Variants in NCOR2 observed in about 807,000 individuals in gnomAD.
The protein encoded by NCOR2 is CTG repeat protein 26.
A neutral mutation model predicts 262.9 loss-of-function variants in NCOR2; 81 were observed. That is an observed-to-expected ratio of 0.31 (90% confidence interval 0.26 to 0.37). The LOEUF is 0.37. Ranked by LOEUF, NCOR2 falls within the 10% of genes least tolerant of loss-of-function variation. NCOR2 has a pLI of 1.00. For missense variants in NCOR2, 3,385 were observed against 3,621.4 expected, an observed-to-expected ratio of 0.93 and a Z score of 1.68; for synonymous variants, 1,659 against 1,559.3, an observed-to-expected ratio of 1.06 and a Z score of -1.51.
rs1374116455 is a variant in NCOR2, at chr12:124,517,308, C to T, written c.-118+18257G>A. ...TCCCCAGGAGCCATTCCCGCCACCT[C>T]CCTATGGCCGCGGCGCACCCAGACC... On this transcript the variant is annotated intron_variant, in intron 1 of 46. Coordinates refer to the NCOR2 transcript ENST00000404621. The surrounding 1 kb of genome is among the most constrained non-coding windows in gnomAD (Gnocchi z 7.6). 6.6e-6 allele frequency among the ~76,000 whole-genome samples: 1 copy of T among 152,200 alleles called. No individual in the cohort carries two copies. The highest frequency in any genetic ancestry group is 1.5e-5 in the Non-Finnish European group (1 of 68,032).
Position 124,481,578 on chromosome 12 carries a change from G to C in NCOR2, c.411+2018C>G, listed in dbSNP as rs1283557239. On this transcript the variant is annotated intron_variant, in intron 3 of 46. Transcript: ENST00000405201. This position sits in a 1 kb window ranked among gnomAD's most constrained non-coding sequence, Gnocchi z 4.6. ...CTGCGGAGGGCACAGCCGGTGCAAA[G>C]GTCCCCAGGTGGGAATGTGCCTGGC... Among the ~76,000 whole-genome samples the C allele has an allele frequency of 6.6e-6, 1 of 152,174 alleles. No individual in the cohort carries two copies. Among genetic ancestry groups the C allele is most frequent in the African/African-American group, 2.4e-5 (1 of 41,440 alleles).
At chr12:124,395,760 G>A (rs1247449188) in intron 16 of NCOR2, among the ~76,000 whole-genome samples, 2 of 152,198 alleles carry the variant, frequency 1.3e-5, no homozygotes, top group African/African-American at 4.8e-5. Context: ...AAGGGATGGA[G>A]AGGCGGTGGG....
In NCOR2 at chr12:124,462,534, C is replaced by T. The variant is rs937077829; in HGVS notation, c.705+3639G>A. Among the ~76,000 whole-genome samples, 98 of 152,256 alleles carry T rather than the reference C, an allele frequency of 6.4e-4. 1 individual carries two copies. Among genetic ancestry groups the T allele is most frequent in the Admixed American group, 2.6e-4 (4 of 15,286 alleles). ...GCGGCAGGTCAGAGGACGCGTGCAGCAGCCTCGCGGGGCTGAAACGGACAA... is the reference window on the plus strand; with the variant it reads ...GCGGCAGGTCAGAGGACGCGTGCAGTAGCCTCGCGGGGCTGAAACGGACAA... On this transcript the variant is annotated intron_variant, in intron 5 of 46. Transcript: ENST00000405201.
intron 1 of NCOR2, among the ~76,000 whole-genome samples, chr12:124,550,583 G>C (rs991181383): frequency 7.9e-5 from 12 of 152,158 alleles, no homozygotes; most frequent in Non-Finnish European, 1.5e-4. Flanking sequence ...TCTCTCTCTG[G>C]GGGGTAGGAA....
chr12:124,427,504 G>A (rs951866379), intron 10 of NCOR2, among the ~76,000 whole-genome samples: 5 of 152,208 alleles, frequency 3.3e-5, no homozygotes, highest in Admixed American at 1.3e-4. Flanking sequence ...GGAGGTAGGC[G>A]AGGACTCCGC....
rs548013221 is a variant in NCOR2, at chr12:124,388,795, G to T, written c.1877-2908C>A. On this transcript the variant is annotated intron_variant, in intron 16 of 46. Coordinates refer to ENST00000405201, the Ensembl canonical transcript of NCOR2. ...CCGGCAGGCTGGGCGGCCGCGGTCG[G>T]CTCTGCGAGGCTGCTGGTTGGCGTC... The T allele has an allele frequency of 1.4e-5, 18 of 1,301,514 alleles. No homozygotes were observed. The South Asian group carries it at 2.1e-4, about 15-fold the overall frequency. 80.6% of individuals were successfully genotyped at this position (1,301,514 alleles called of 1,614,324 possible).
intron 1 of NCOR2, among the ~76,000 whole-genome samples, chr12:124,512,179 T>G (rs2049430948): frequency 6.6e-6 from 1 of 152,194 alleles, no homozygotes; most frequent in African/African-American, 2.4e-5. Flanking sequence ...CCCAAAGTGC[T>G]GGGACTATAG....
chr12:124,330,815 C>A, intron 44 of NCOR2, 30 bp downstream of exon 46: 3 of 1,562,558 alleles, frequency 1.9e-6, no homozygotes, highest in Admixed American at 1.9e-5. Flanking sequence ...GGGACCAGGG[C>A]AGCCATATAG....
chr12:124,355,033 G>A, intron 24 of NCOR2, 94 bp from the exon 27 acceptor site: 1 of 1,061,230 alleles, frequency 9.4e-7, no homozygotes. Context: ...GCCCACGTGT[G>A]GGTCAGAGGC....
At chr12:124,348,455 C>A in intron 28 of NCOR2, 141 bp from the exon 31 acceptor site, 5 of 1,185,700 alleles carry the variant, frequency 4.2e-6, no homozygotes, top group Non-Finnish European at 5.7e-6. Flanking sequence ...CAGCCGAGGC[C>A]TCCAGAGGGA....
chr12:124,330,745 A>AGGTGCG, intron 44 of NCOR2, 100 bp downstream of exon 46: 1 of 1,317,600 alleles, frequency 7.6e-7, no homozygotes, highest in South Asian at 1.3e-5. Flanking sequence ...GTACACCCAG[A>AGGTGCG]CTAGCGAAGG....
chr12:124,541,833 ATGGGGAGTGGAGATGGAGGGGG>A (rs1315346725), intron 1 of NCOR2, among the ~76,000 whole-genome samples: 1 of 7,754 alleles, frequency 1.3e-4, no homozygotes, highest in South Asian at 8.5e-3. Context: ...ATGGAGGGGG[ATGGGGAGTGGAGATGGAGGGGG>A]TGGGGAGTGG....
chr12:124,564,346 G>C (rs530996193), intron 1 of NCOR2, among the ~76,000 whole-genome samples: 1 of 152,244 alleles, frequency 6.6e-6, no homozygotes, highest in South Asian at 2.1e-4. Flanking sequence ...CTCAAGCTTG[G>C]GGCCCTCCTT....
At chr12:124,388,644 A>G in intron 16 of NCOR2, 1 of 1,302,818 alleles carries the variant, frequency 7.7e-7, no homozygotes, top group Non-Finnish European at 1.0e-6. Context: ...CTGTCCCTGC[A>G]CCCGCAGTCC....
chr12:124,371,596 G>A (rs1393444262), intron 20 of NCOR2, among the ~76,000 whole-genome samples: 2 of 152,226 alleles, frequency 1.3e-5, no homozygotes, highest in Admixed American at 1.3e-4. Context: ...GGAGCTGGAA[G>A]AGGCGGGATG....
chr12:124,450,638 C>T (rs1400824526), intron 6 of NCOR2, among the ~76,000 whole-genome samples: 1 of 152,212 alleles, frequency 6.6e-6, no homozygotes, highest in Non-Finnish European at 1.5e-5. Flanking sequence ...GCAGGGCCCA[C>T]ATGTAGCAAG....
intron 1 of NCOR2, among the ~76,000 whole-genome samples, chr12:124,532,002 G>A (rs763115708): frequency 2.0e-5 from 3 of 152,132 alleles, no homozygotes; most frequent in Non-Finnish European, 4.4e-5. Context: ...AGGGAAGAGT[G>A]TACCGCTGGG....
chr12:124,464,533 A>G (rs748001486), intron 5 of NCOR2, among the ~76,000 whole-genome samples: 7 of 152,320 alleles, frequency 4.6e-5, no homozygotes, highest in Non-Finnish European at 7.4e-5. Flanking sequence ...TGATGAGCAA[A>G]ATTGAGAGAA....
chr12:124,515,953 G>A (rs1252008316), intron 1 of NCOR2, among the ~76,000 whole-genome samples: 1 of 152,172 alleles, frequency 6.6e-6, no homozygotes. Flanking sequence ...TAGGAAAATC[G>A]AGTCCCTGAG....
Sources: allele counts gnomAD v4.1 joint callset (sites outside exome capture counted in the v4.1 genomes callset), GRCh38; gene constraint gnomAD v4.1.1; non-coding constraint Gnocchi (gnomAD v3.1); transcripts MANE v1.5; gene names NCBI Gene and HGNC (gene_info 2026-07-23, HGNC 2026-07-21).